Variants in POFUT3 observed in about 807,000 individuals in gnomAD.
POFUT3 encodes the protein GDP-fucose protein O-fucosyltransferase 3.
At chr8:33,358,148 G>A in the POFUT3 span, among the ~76,000 whole-genome samples, 2 of 152,226 alleles carry the variant, frequency 1.3e-5, no homozygotes. Flanking sequence ...AGCTACCTGG[G>A]AGGCTGAGGT....
chr8:33,331,707 G>C, the POFUT3 span, among the ~76,000 whole-genome samples: 6 of 151,492 alleles, frequency 4.0e-5, no homozygotes, highest in Non-Finnish European at 4.4e-5. Context: ...ACGGAGTCTC[G>C]CTCTGTCGCC....
At chr8:33,418,921 C>A in the POFUT3 span, among the ~76,000 whole-genome samples, 2 of 152,142 alleles carry the variant, frequency 1.3e-5, no homozygotes, top group African/African-American at 4.8e-5. Context: ...CTGTCATTTG[C>A]AGCAACATGG....
chr8:33,365,959 A>T, the POFUT3 span, among the ~76,000 whole-genome samples: 1 of 152,216 alleles, frequency 6.6e-6, no homozygotes, highest in Non-Finnish European at 1.5e-5. Flanking sequence ...AGGCACATGT[A>T]TGTTTATTGT....
At chr8:33,372,236 A>G in the POFUT3 span, 31 of 1,029,674 alleles carry the variant, frequency 3.0e-5, no homozygotes, top group African/African-American at 3.4e-5. Context: ...GTGAGTATCA[A>G]GAATCTATAG....
the POFUT3 span, among the ~76,000 whole-genome samples, chr8:33,443,237 G>A: frequency 5.3e-5 from 8 of 152,102 alleles, no homozygotes; most frequent in African/African-American, 1.2e-4. Context: ...ACCTTTCTGC[G>A]TAACTATCTC....
chr8:33,431,304 T>G, the POFUT3 span, among the ~76,000 whole-genome samples: 3 of 151,998 alleles, frequency 2.0e-5, no homozygotes, highest in African/African-American at 7.2e-5. Context: ...CCCAGCACTT[T>G]GGGGAGCCAA....
the POFUT3 span, among the ~76,000 whole-genome samples, chr8:33,332,250 G>A: frequency 6.0e-5 from 9 of 151,056 alleles, no homozygotes; most frequent in South Asian, 6.3e-4. Context: ...TTGGGAGGCC[G>A]AGGCGGGCAG....
the POFUT3 span, among the ~76,000 whole-genome samples, chr8:33,366,979 C>G: frequency 1.3e-5 from 2 of 152,128 alleles, no homozygotes; most frequent in Non-Finnish European, 2.9e-5. Flanking sequence ...CATGGTGGCT[C>G]ATGCCTGTAA....
chr8:33,469,131 C>T, the POFUT3 span, among the ~76,000 whole-genome samples: 1 of 152,180 alleles, frequency 6.6e-6, no homozygotes, highest in South Asian at 2.1e-4. Context: ...CATGACAAAA[C>T]CCCGTCTCTA....
the POFUT3 span, among the ~76,000 whole-genome samples, chr8:33,328,473 T>C: frequency 1.3e-5 from 2 of 152,302 alleles, no homozygotes; most frequent in South Asian, 4.1e-4. Context: ...TCTGCAGCTC[T>C]GCCCAGAGCT....
At chr8:33,321,268 A>G in the POFUT3 span, among the ~76,000 whole-genome samples, 1 of 152,242 alleles carries the variant, frequency 6.6e-6, no homozygotes, top group East Asian at 1.9e-4. Flanking sequence ...CTGGCTTATA[A>G]AAAACGTGAT....
the POFUT3 span, among the ~76,000 whole-genome samples, chr8:33,368,033 C>G: frequency 3.9e-5 from 6 of 152,042 alleles, no homozygotes; most frequent in Non-Finnish European, 5.9e-5. Flanking sequence ...AATTTTTGAC[C>G]TAATGCTCAA....
chr8:33,442,477 G>A, the POFUT3 span, among the ~76,000 whole-genome samples: 1 of 151,030 alleles, frequency 6.6e-6, no homozygotes, highest in Admixed American at 6.6e-5. Flanking sequence ...TTACAGATGG[G>A]GTTTCACCAT....
At chr8:33,340,245 C>T in the POFUT3 span, among the ~76,000 whole-genome samples, 2 of 151,914 alleles carry the variant, frequency 1.3e-5, no homozygotes, top group Non-Finnish European at 2.9e-5. Flanking sequence ...CACACACACA[C>T]ATATATACAC....
the POFUT3 span, among the ~76,000 whole-genome samples, chr8:33,405,302 A>G: frequency 6.6e-6 from 1 of 152,134 alleles, no homozygotes; most frequent in South Asian, 2.1e-4. Context: ...CAAAAAAAAA[A>G]GGAAAAATAG....
At chr8:33,469,803 C>CTTTT in the POFUT3 span, among the ~76,000 whole-genome samples, 32 of 108,760 alleles carry the variant, frequency 2.9e-4, no homozygotes, top group Non-Finnish European at 4.0e-4. Flanking sequence ...TTTACTTTTT[C>CTTTT]TTTTTTTTTT....
the POFUT3 span, chr8:33,455,789 C>G: frequency 2.2e-6 from 1 of 456,184 alleles, no homozygotes; most frequent in South Asian, 1.5e-5. Context: ...GTGCTCGCTG[C>G]TCCTGGTGTT....
the POFUT3 span, among the ~76,000 whole-genome samples, chr8:33,358,905 A>G: frequency 6.6e-6 from 1 of 152,154 alleles, no homozygotes; most frequent in Non-Finnish European, 1.5e-5. Flanking sequence ...TTATAGCAAA[A>G]AGAGGGTTGT....
chr8:33,410,620 T>C, the POFUT3 span, among the ~76,000 whole-genome samples: 1 of 152,138 alleles, frequency 6.6e-6, no homozygotes, highest in African/African-American at 2.4e-5. Flanking sequence ...GGCCTTTGGG[T>C]GTGTGCGTGT....
Sources: allele counts gnomAD v4.1 joint callset (sites outside exome capture counted in the v4.1 genomes callset), GRCh38; gene constraint gnomAD v4.1.1; transcripts MANE v1.5; gene names NCBI Gene and HGNC (gene_info 2026-07-23, HGNC 2026-07-21).